FBXL17: variants seen among roughly 807,000 people sequenced by gnomAD.
FBXL17 encodes the protein F-box and leucine rich repeat protein 17, also known as F-box/LRR-repeat protein 17.
In FBXL17, 22 loss-of-function variants were observed where a neutral mutation model predicts 66.2. The observed-to-expected ratio is 0.33, with a 90% CI of 0.24 to 0.47. FBXL17 has a LOEUF of 0.47. FBXL17 is among the 20% of genes least tolerant of loss of function. The probability of loss-of-function intolerance (pLI) is 1.00; values close to 1 mark genes in which losing one functional copy is unlikely to be tolerated. For missense variants in FBXL17, 878 were observed against 948.2 expected (o/e 0.93, Z 0.97); for synonymous variants, 474 against 400.5 (o/e 1.18, Z -2.19).
At chr5:107,900,684 CAAGT>C (rs1406007603) in intron 7 of FBXL17, among the ~76,000 whole-genome samples, 1 of 152,052 alleles carries the variant, frequency 6.6e-6, no homozygotes, top group Non-Finnish European at 1.5e-5. Context: ...CTTCAGACAA[CAAGT>C]AATGAAAGAT....
At chr5:107,996,202 C>T (rs527836990) in intron 7 of FBXL17, among the ~76,000 whole-genome samples, 1 of 152,290 alleles carries the variant, frequency 6.6e-6, no homozygotes, top group South Asian at 2.1e-4. Context: ...TGTCCAAATC[C>T]TCCCTTCCTT....
chr5:108,054,431 C>T (rs1404916856), intron 6 of FBXL17, among the ~76,000 whole-genome samples: 1 of 151,908 alleles, frequency 6.6e-6, no homozygotes, highest in East Asian at 1.9e-4. Flanking sequence ...CTTATAGAGC[C>T]TGACTCCTCA....
intron 7 of FBXL17, among the ~76,000 whole-genome samples, chr5:107,998,438 C>A (rs996945369): frequency 2.0e-5 from 3 of 152,022 alleles, no homozygotes; most frequent in Admixed American, 2.0e-4. Context: ...CACAGATGTT[C>A]ATGTGATATT....
chr5:108,021,848 T>A (rs954638756), intron 6 of FBXL17, among the ~76,000 whole-genome samples: 1 of 151,868 alleles, frequency 6.6e-6, no homozygotes, highest in African/African-American at 2.4e-5. Context: ...TTAATCTTTA[T>A]AAATAACAGT....
chr5:107,864,079 C>T (rs1184678601), intron 8 of FBXL17, among the ~76,000 whole-genome samples: 1 of 152,202 alleles, frequency 6.6e-6, no homozygotes, highest in Non-Finnish European at 1.5e-5. Context: ...TTTTTCTAAA[C>T]TGTAAAGACA....
intron 6 of FBXL17, among the ~76,000 whole-genome samples, chr5:108,139,021 A>G (rs1419508982): frequency 1.3e-5 from 2 of 152,226 alleles, no homozygotes; most frequent in African/African-American, 4.8e-5. Context: ...GTAATCTTGT[A>G]TTCATATGTG....
intron 7 of FBXL17, among the ~76,000 whole-genome samples, chr5:107,890,323 A>ATTCAGATT (rs537864330): frequency 2.1e-4 from 32 of 152,012 alleles, no homozygotes; most frequent in African/African-American, 7.5e-4. Context: ...GACCACTGTA[A>ATTCAGATT]AGACCGAATG....
intron 7 of FBXL17, among the ~76,000 whole-genome samples, chr5:107,909,671 G>C (rs1749884980): frequency 6.6e-6 from 1 of 152,002 alleles, no homozygotes; most frequent in Non-Finnish European, 1.5e-5. Flanking sequence ...AAACATAATG[G>C]CAGCATCTTC....
rs538908199 is a variant in FBXL17, at chr5:108,080,485, G to A, written c.1746-59484C>T. Among the ~76,000 whole-genome samples the A allele has an allele frequency of 4.6e-5, 7 of 152,324 alleles. No individual in the cohort carries two copies. In the South Asian group the frequency reaches 1.5e-3, roughly 32 times the overall value. On this transcript the variant is annotated intron_variant, in intron 6 of 8. Coordinates refer to ENST00000542267, the MANE Select transcript of FBXL17 (RefSeq NM_001163315.3). ...AAATTCATGTTATTGATGAAAAAGA[G>A]TCAAACTCTGTAAAATATTTGAAGG...
intron 6 of FBXL17, among the ~76,000 whole-genome samples, chr5:108,068,851 C>T (rs1238506802): frequency 6.6e-6 from 1 of 152,080 alleles, no homozygotes; most frequent in African/African-American, 2.4e-5. Context: ...TGTAAAATAG[C>T]ATTTACAATG....
rs150948256 is a variant in FBXL17, at chr5:108,073,031, A to G, written c.1746-52030T>C. Reference sequence around the variant, plus strand: ...TACACATATTTTTACCTCAGGATGAAAACTCTTTAGTCCTATGTCTAGTTA... The same window carrying G: ...TACACATATTTTTACCTCAGGATGAGAACTCTTTAGTCCTATGTCTAGTTA... On this transcript the variant is annotated intron_variant, in intron 6 of 8. Coordinates refer to ENST00000542267, the MANE Select transcript of FBXL17 (RefSeq NM_001163315.3). 2.7e-4 allele frequency among the ~76,000 whole-genome samples: 41 copies of G among 152,316 alleles called. 1 individual carries two copies. The East Asian group carries it at 7.7e-3, about 29-fold the overall frequency.
At chr5:108,201,480 T>A (rs1297036512) in intron 5 of FBXL17, among the ~76,000 whole-genome samples, 10 of 152,152 alleles carry the variant, frequency 6.6e-5, no homozygotes, top group Non-Finnish European at 1.5e-5. Context: ...AAGTATTTTA[T>A]ACATGTACAA....
At chr5:107,989,915 A>G (rs557715098) in intron 7 of FBXL17, among the ~76,000 whole-genome samples, 2 of 152,286 alleles carry the variant, frequency 1.3e-5, no homozygotes, top group East Asian at 3.9e-4. Flanking sequence ...CTGGACTTCT[A>G]CATGAAAAGG....
At chr5:108,357,722 GTTT>G (rs35941487) in intron 3 of FBXL17, among the ~76,000 whole-genome samples, 1 of 145,214 alleles carries the variant, frequency 6.9e-6, no homozygotes, top group Non-Finnish European at 1.5e-5. Context: ...TAAATAACAC[GTTT>G]TTTTTTTAAA....
intron 7 of FBXL17, among the ~76,000 whole-genome samples, chr5:107,984,653 T>C (rs1220348260): frequency 6.6e-6 from 1 of 152,192 alleles, no homozygotes; most frequent in Non-Finnish European, 1.5e-5. Context: ...CAAATAAAAA[T>C]TAAAAATGGC....
At chr5:108,201,167 C>T (rs1753878479) in intron 5 of FBXL17, among the ~76,000 whole-genome samples, 1 of 152,158 alleles carries the variant, frequency 6.6e-6, no homozygotes, top group Non-Finnish European at 1.5e-5. Context: ...ATCTTGCTTT[C>T]AATATCCAGG....
intron 7 of FBXL17, among the ~76,000 whole-genome samples, chr5:107,886,479 G>A (rs942598253): frequency 1.3e-5 from 2 of 152,020 alleles, no homozygotes; most frequent in African/African-American, 2.4e-5. Flanking sequence ...GAGCTTCATA[G>A]AGAAATCAGC....
intron 7 of FBXL17, among the ~76,000 whole-genome samples, chr5:107,889,002 T>A (rs1221292493): frequency 1.3e-5 from 2 of 152,108 alleles, no homozygotes; most frequent in Admixed American, 1.3e-4. Context: ...TGGTACTTGG[T>A]AATGTGTCTC....
At chr5:108,091,199 G>C (rs34417) in intron 6 of FBXL17, among the ~76,000 whole-genome samples, 113,967 of 152,196 alleles carry the variant, frequency 0.75, 42,915 homozygotes, top group South Asian at 0.9. Context: ...CAGAAACAAA[G>C]TGAAAGCTGA....
Sources: gnomAD v4.1 joint callset for allele counts (sites outside exome capture counted in the v4.1 genomes callset) on GRCh38, gnomAD v4.1.1 for gene constraint, MANE v1.5 for transcripts, NCBI Gene and HGNC (gene_info 2026-07-23, HGNC 2026-07-21) for gene names.